The following MTHFD2L variants were observed in gnomAD, a reference collection of about 807,000 sequenced individuals.
MTHFD2L encodes the protein bifunctional methylenetetrahydrofolate dehydrogenase/cyclohydrolase 2, mitochondrial.
MTHFD2L carries 29 observed loss-of-function variants against 34.9 expected under a neutral mutation model. The observed-to-expected ratio is 0.83, with a 90% CI of 0.62 to 1.13. The LOEUF (loss-of-function observed/expected upper bound fraction) is 1.13, where lower values mean the gene tolerates loss of function less well. MTHFD2L is among the 50% of genes most tolerant of loss of function. MTHFD2L has a pLI of 0.00. For synonymous variants in MTHFD2L, 167 were observed against 155.7 expected (o/e 1.07, Z -0.54); for missense variants, 481 against 446.5 (o/e 1.08, Z -0.70).
At chr4:74,148,032 T>C (rs1723701749) in intron 1 of MTHFD2L, among the ~76,000 whole-genome samples, 1 of 152,202 alleles carries the variant, frequency 6.6e-6, no homozygotes, top group Admixed American at 6.5e-5. Context: ...TGATCCATTT[T>C]AAGTTGATTT....
At chr4:74,263,895 G>A (rs890422287) in intron 6 of MTHFD2L, among the ~76,000 whole-genome samples, 27 of 152,114 alleles carry the variant, frequency 1.8e-4, no homozygotes, top group Middle Eastern at 3.4e-3. Context: ...TCTAAGATTA[G>A]TCTAACCTTT....
intron 7 of MTHFD2L, among the ~76,000 whole-genome samples, chr4:74,300,805 A>C (rs1312812367): frequency 6.6e-6 from 1 of 152,082 alleles, no homozygotes; most frequent in Non-Finnish European, 1.5e-5. Flanking sequence ...TTAGGTCAGA[A>C]ATGCATTTAA....
At chr4:74,251,837 A>G (rs1743350780) in intron 6 of MTHFD2L, among the ~76,000 whole-genome samples, 1 of 152,216 alleles carries the variant, frequency 6.6e-6, no homozygotes. Context: ...AAACAAAACT[A>G]TTTTTAAAAT....
intron 5 of MTHFD2L, among the ~76,000 whole-genome samples, chr4:74,208,026 G>A (rs1039838726): frequency 1.1e-4 from 17 of 151,910 alleles, no homozygotes; most frequent in Non-Finnish European, 2.4e-4. Context: ...GGAGTGGCTT[G>A]GGATGTTTGC....
intron 3 of MTHFD2L, among the ~76,000 whole-genome samples, chr4:74,193,163 A>G (rs1732866971): frequency 6.6e-6 from 1 of 151,980 alleles, no homozygotes; most frequent in African/African-American, 2.4e-5. Flanking sequence ...TTGCCACCCC[A>G]CCCCCTACAA....
At chr4:74,200,429 C>T (rs1464226677) in intron 4 of MTHFD2L, among the ~76,000 whole-genome samples, 2 of 152,132 alleles carry the variant, frequency 1.3e-5, no homozygotes, top group Non-Finnish European at 2.9e-5. Flanking sequence ...GTGAATTTTC[C>T]ACATAGTAGT....
At chr4:74,117,135 G>A (rs565769867) in intron 2 of MTHFD2L, among the ~76,000 whole-genome samples, 33 of 152,314 alleles carry the variant, frequency 2.2e-4, no homozygotes, top group African/African-American at 7.2e-4. Context: ...CCTTGGGAAA[G>A]TCCACAAGTG....
intron 7 of MTHFD2L, among the ~76,000 whole-genome samples, chr4:74,285,655 T>C (rs2110291341): frequency 6.6e-6 from 1 of 152,236 alleles, no homozygotes; most frequent in South Asian, 2.1e-4. Flanking sequence ...AAGAGAACTT[T>C]TAATGTTTTG....
chr4:74,301,672 T>C, intron 7 of MTHFD2L, 25 bp from the exon 8 acceptor site: 1 of 1,346,328 alleles, frequency 7.4e-7, no homozygotes, highest in Non-Finnish European at 1.0e-6. Flanking sequence ...ATAAAGAATA[T>C]CTGTTTGTTT....
chr4:74,164,904 T>C, intron 1 of MTHFD2L: 1 of 924,738 alleles, frequency 1.1e-6, no homozygotes, highest in Non-Finnish European at 1.3e-6. Flanking sequence ...GGGCACCTTT[T>C]CTTGCCTTTA....
chr4:74,215,166 A>T (rs913933457), intron 5 of MTHFD2L, among the ~76,000 whole-genome samples: 2 of 151,564 alleles, frequency 1.3e-5, no homozygotes, highest in African/African-American at 4.9e-5. Flanking sequence ...GCTGAACTAG[A>T]CCACTTGGCT....
Position 74,240,492 on chromosome 4 carries a change from A to G in MTHFD2L, c.805+15098A>G, listed in dbSNP as rs182010164. Among the ~76,000 whole-genome samples, 9 of 152,312 alleles carry G rather than the reference A, an allele frequency of 5.9e-5. No homozygotes were observed. In the East Asian group the frequency reaches 1.3e-3, roughly 23 times the overall value. On this transcript the variant is annotated intron_variant, in intron 6 of 7. Transcript: ENST00000325278. ...TTTAATGGGTGATGGATGATGGTGT[A>G]TATCTATAGGAATTCTATAGATGCA...
chr4:74,129,506 G>T (rs1354217927), intron 1 of MTHFD2L, among the ~76,000 whole-genome samples: 1 of 151,986 alleles, frequency 6.6e-6, no homozygotes, highest in Non-Finnish European at 1.5e-5. Flanking sequence ...TGAAACAAAG[G>T]CATAAATAAA....
chr4:74,155,467 G>A (rs1049910381), upstream of MTHFD2L, among the ~76,000 whole-genome samples: 4 of 152,054 alleles, frequency 2.6e-5, no homozygotes, highest in African/African-American at 4.8e-5. Flanking sequence ...TTTAATTGGT[G>A]TATTAAGTTT....
Position 74,201,365 on chromosome 4 carries a change from C to A in MTHFD2L, c.707C>A (p.Pro236Gln), listed in dbSNP as rs773893308. The change falls in exon 5 of 8, where the codon CCA becomes CAA. Residue 236 changes from proline (P) to glutamine (Q), a missense_variant. Physicochemically the swap from Pro to Gln is moderately conservative, Grantham distance 76. Coordinates refer to ENST00000325278, the MANE Select transcript of MTHFD2L (RefSeq NM_001144978.3). ...CACACTGATGGAGAGCATGAACGGC[C>A]AGGAGGTAGGTAGAACCTTGCAGAT... ...LLHTDGEHER[P>Q]GGDATVTIAH... 6.2e-7 allele frequency: 1 copy of A among 1,611,782 alleles called. No homozygotes were observed. Among genetic ancestry groups the A allele is most frequent in the South Asian group, 1.1e-5 (1 of 90,816 alleles).
chr4:74,160,980 C>G (rs1395307951), intron 1 of MTHFD2L: 1 of 152,166 alleles, frequency 6.6e-6, no homozygotes, highest in East Asian at 1.9e-4. Flanking sequence ...CCCAAGCATT[C>G]CATGTTTATC....
intron 1 of MTHFD2L, among the ~76,000 whole-genome samples, chr4:74,147,534 G>A (rs942394280): frequency 6.6e-6 from 1 of 152,146 alleles, no homozygotes; most frequent in African/African-American, 2.4e-5. Flanking sequence ...TGTCCTCAGG[G>A]ATATTTCTCC....
At chr4:74,119,655 T>C (rs973487103), upstream of MTHFD2L, among the ~76,000 whole-genome samples, 4 of 151,738 alleles carry the variant, frequency 2.6e-5, no homozygotes, top group African/African-American at 9.7e-5. Context: ...TGGTGGCGGG[T>C]GTCTGTAGTC....
intron 3 of MTHFD2L, chr4:74,195,909 A>C (rs1733382759): frequency 6.6e-6 from 1 of 152,472 alleles, no homozygotes; most frequent in Admixed American, 6.5e-5. Flanking sequence ...CAATCAGAAC[A>C]TTCCTCTATC....
Sources: allele counts gnomAD v4.1 joint callset (sites outside exome capture counted in the v4.1 genomes callset), GRCh38; gene constraint gnomAD v4.1.1; transcripts MANE v1.5; gene names NCBI Gene and HGNC (gene_info 2026-07-23, HGNC 2026-07-21).